CDH4: variants seen among roughly 807,000 people sequenced by gnomAD.
The protein encoded by CDH4 is cadherin-4.
A neutral mutation model predicts 86.0 loss-of-function variants in CDH4; 33 were observed. The observed-to-expected ratio is 0.38, with a 90% CI of 0.29 to 0.51. The LOEUF (loss-of-function observed/expected upper bound fraction) is 0.51. Ranked by LOEUF, CDH4 falls within the 20% of genes least tolerant of loss-of-function variation. CDH4 has a pLI of 0.86. For missense variants in CDH4, 1,114 were observed against 1,307.4 expected, an observed-to-expected ratio of 0.85 and a Z score of 2.28; for synonymous variants, 555 against 549.4, an observed-to-expected ratio of 1.01 and a Z score of -0.14.
intron 2 of CDH4, among the ~76,000 whole-genome samples, chr20:61,441,840 G>A (rs1311784858): frequency 1.3e-5 from 2 of 152,162 alleles, no homozygotes; most frequent in Middle Eastern, 3.4e-3. Context: ...ATCAGACTAC[G>A]ACAGGACCCT....
intron 2 of CDH4, among the ~76,000 whole-genome samples, chr20:61,365,345 A>G (rs1483728321): frequency 1.3e-5 from 2 of 152,134 alleles, no homozygotes; most frequent in Non-Finnish European, 2.9e-5. Flanking sequence ...GTGTTTGCAG[A>G]TGTCTGTTAG....
At chr20:61,798,187 C>CCGCCT (rs58949392) in intron 4 of CDH4, among the ~76,000 whole-genome samples, 14 of 152,274 alleles carry the variant, frequency 9.2e-5, no homozygotes, top group Admixed American at 4.6e-4. Flanking sequence ...CCGCCCCGCC[C>CCGCCT]GGCCCTGCCC....
At chr20:61,431,229 C>T (rs1256115998) in intron 2 of CDH4, among the ~76,000 whole-genome samples, 1 of 152,166 alleles carries the variant, frequency 6.6e-6, no homozygotes, top group Non-Finnish European at 1.5e-5. Flanking sequence ...AAGACAAAAC[C>T]CTGCCTCTCC....
intron 2 of CDH4, among the ~76,000 whole-genome samples, chr20:61,682,433 T>A (rs1426994394): frequency 2.0e-5 from 1 of 51,236 alleles, no homozygotes; most frequent in Admixed American, 2.9e-4. Flanking sequence ...GATGGATGGA[T>A]GGAGGGGTGG....
intron 2 of CDH4, among the ~76,000 whole-genome samples, chr20:61,374,406 G>C (rs1447620511): frequency 2.0e-5 from 3 of 152,122 alleles, no homozygotes; most frequent in Non-Finnish European, 4.4e-5. Context: ...GAGTTACCTG[G>C]GAGTCCTGAG....
intron 6 of CDH4, among the ~76,000 whole-genome samples, chr20:61,868,418 G>T (rs766827329): frequency 6.6e-6 from 1 of 152,190 alleles, no homozygotes; most frequent in Non-Finnish European, 1.5e-5. Flanking sequence ...TGGGGCAGGG[G>T]CCAACAAGGG....
intron 2 of CDH4, among the ~76,000 whole-genome samples, chr20:61,730,927 G>C (rs2088172341): frequency 6.9e-6 from 1 of 145,616 alleles, no homozygotes; most frequent in South Asian, 2.3e-4. Flanking sequence ...GTGTCCAGTT[G>C]GGGTATCCAG....
At chr20:61,831,973 G>A (rs1308865961) in intron 4 of CDH4, among the ~76,000 whole-genome samples, 1 of 152,170 alleles carries the variant, frequency 6.6e-6, no homozygotes, top group Non-Finnish European at 1.5e-5. Context: ...GAGCCTGCCT[G>A]CATCCACTTC....
At chr20:61,645,752 T>C (rs1345353641) in intron 2 of CDH4, among the ~76,000 whole-genome samples, 1 of 152,092 alleles carries the variant, frequency 6.6e-6, no homozygotes, top group Non-Finnish European at 1.5e-5. Flanking sequence ...CACAGGGTGC[T>C]GTGGTTATCA....
At chr20:61,481,754 G>A (rs781022134) in intron 2 of CDH4, among the ~76,000 whole-genome samples, 5 of 151,874 alleles carry the variant, frequency 3.3e-5, no homozygotes, top group Non-Finnish European at 5.9e-5. Context: ...CAAAAGAATC[G>A]TAGTTTGTCT....
intron 4 of CDH4, among the ~76,000 whole-genome samples, chr20:61,802,874 C>T (rs1368777082): frequency 6.6e-6 from 1 of 152,238 alleles, no homozygotes. Context: ...TCCCCGTCCT[C>T]CTGGCTGCTG....
At chr20:61,908,010 G>A (rs2054809452) in intron 8 of CDH4, among the ~76,000 whole-genome samples, 1 of 152,218 alleles carries the variant, frequency 6.6e-6, no homozygotes, top group South Asian at 2.1e-4. Flanking sequence ...ACCTAAACGT[G>A]ACAGGCAGGG....
At chr20:61,833,709 A>G (rs1376017688) in intron 4 of CDH4, among the ~76,000 whole-genome samples, 1 of 152,132 alleles carries the variant, frequency 6.6e-6, no homozygotes, top group African/African-American at 2.4e-5. Context: ...GACTGAGCAC[A>G]GTACTCAGCC....
rs2085253574 is a variant in CDH4, at chr20:61,432,502, T to G, written c.169+177565T>G. On this transcript the variant is annotated intron_variant, in intron 2 of 15. Transcript: ENST00000614565. ...AATTGTATATCTTCTTCTTGTTGGG[T>G]TGTAAACGTTTGTTTATATATTCTA... 2.0e-5 allele frequency among the ~76,000 whole-genome samples: 3 copies of G among 152,216 alleles called. No individual in the cohort carries two copies. The South Asian group carries it at 6.2e-4, about 31-fold the overall frequency.
At chr20:61,466,063 C>T (rs1187450388) in intron 2 of CDH4, among the ~76,000 whole-genome samples, 1 of 152,092 alleles carries the variant, frequency 6.6e-6, no homozygotes, top group East Asian at 1.9e-4. Context: ...TAGCTCACCA[C>T]GTGGATTGCA....
intron 7 of CDH4, among the ~76,000 whole-genome samples, chr20:61,884,579 G>A (rs961809342): frequency 6.6e-6 from 1 of 152,138 alleles, no homozygotes; most frequent in African/African-American, 2.4e-5. Context: ...GGGGCACCCA[G>A]CGAGGGGCTC....
intron 2 of CDH4, among the ~76,000 whole-genome samples, chr20:61,324,582 C>A (rs1208090284): frequency 3.3e-5 from 5 of 152,180 alleles, no homozygotes; most frequent in Non-Finnish European, 1.5e-5. Flanking sequence ...TTTCCCTCTT[C>A]TTGTAAGGAC....
At chr20:61,522,642 A>G (rs2085878571) in intron 2 of CDH4, among the ~76,000 whole-genome samples, 1 of 152,148 alleles carries the variant, frequency 6.6e-6, no homozygotes, top group African/African-American at 2.4e-5. Context: ...AAGCAGCCCC[A>G]CTCGGAACTG....
At chr20:61,395,903 T>C (rs2085014176) in intron 2 of CDH4, among the ~76,000 whole-genome samples, 1 of 152,238 alleles carries the variant, frequency 6.6e-6, no homozygotes, top group African/African-American at 2.4e-5. Context: ...ATAGCCAGCA[T>C]TGATCCATAT....
Sources: allele counts gnomAD v4.1 joint callset (sites outside exome capture counted in the v4.1 genomes callset), GRCh38; gene constraint gnomAD v4.1.1; transcripts MANE v1.5; gene names NCBI Gene and HGNC (gene_info 2026-07-23, HGNC 2026-07-21).